ANO2: variants seen among roughly 807,000 people sequenced by gnomAD.
The protein encoded by ANO2 is anoctamin-2.
Under a neutral mutation model 124.2 loss-of-function variants are expected in ANO2, and 101 were observed. That is an observed-to-expected ratio of 0.81 (90% CI 0.69 to 0.96). The LOEUF (loss-of-function observed/expected upper bound fraction) is 0.96, where lower values mean the gene tolerates loss of function less well. Among genes scored for constraint, ANO2 ranks in the 40% least tolerant of loss-of-function variants. The probability of loss-of-function intolerance (pLI) is 0.00; values close to 1 mark genes in which losing one functional copy is unlikely to be tolerated. For missense variants in ANO2, 1,293 were observed against 1,274.5 expected (o/e 1.01, Z -0.22); for synonymous variants, 486 against 482.5 (o/e 1.01, Z -0.09).
chr12:5,922,592 C>A, intron 2 of ANO2, 28 bp downstream of exon 2: 1 of 1,454,422 alleles, frequency 6.9e-7, no homozygotes, highest in South Asian at 1.3e-5. Flanking sequence ...TGGCCTATCC[C>A]CCCACCCCAC....
chr12:5,728,074 G>C (rs1950512142), intron 14 of ANO2, among the ~76,000 whole-genome samples: 1 of 152,150 alleles, frequency 6.6e-6, no homozygotes, highest in Non-Finnish European at 1.5e-5. Flanking sequence ...TCAAGGTGCT[G>C]GGATTACAGG....
At chr12:5,917,276 G>C (rs1312509956) in intron 3 of ANO2, among the ~76,000 whole-genome samples, 1 of 152,104 alleles carries the variant, frequency 6.6e-6, no homozygotes, top group African/African-American at 2.4e-5. Context: ...TAGCATTAAG[G>C]GTGGCCAGGA....
At chr12:5,629,342 A>G (rs899333411) in intron 16 of ANO2, among the ~76,000 whole-genome samples, 1 of 152,228 alleles carries the variant, frequency 6.6e-6, no homozygotes, top group African/African-American at 2.4e-5. Flanking sequence ...AAGCTAGAGT[A>G]GAGACAGGCC....
At chr12:5,634,713 A>T (rs1272980701) in intron 16 of ANO2, among the ~76,000 whole-genome samples, 1 of 152,210 alleles carries the variant, frequency 6.6e-6, no homozygotes, top group Admixed American at 6.5e-5. Context: ...ACGGGGATAG[A>T]TAAGACCAGT....
chr12:5,841,388 T>C (rs570178663), intron 4 of ANO2, among the ~76,000 whole-genome samples: 1 of 152,342 alleles, frequency 6.6e-6, no homozygotes, highest in East Asian at 1.9e-4. Flanking sequence ...CAGACAGTGA[T>C]ACACTTACAC....
intron 10 of ANO2, among the ~76,000 whole-genome samples, chr12:5,764,720 C>CT (rs2137112050): frequency 6.8e-6 from 1 of 146,030 alleles, no homozygotes; most frequent in South Asian, 2.4e-4. Context: ...TGTTCTCCTG[C>CT]TTTTTTCCAA....
At position 5,644,262 on chromosome 12, in the gene ANO2, T is replaced by C. The variant is rs1039741579; in HGVS notation, c.1620+3465A>G. ...GGACACCCAGCTGTCCCAGAAGCAC[T>C]TACTGAGAAGTTCATTCTTTTCCCC... On this transcript the variant is annotated intron_variant, in intron 15 of 24. Coordinates refer to ENST00000682330, the MANE Select transcript of ANO2 (RefSeq NM_001364791.2). Among the ~76,000 whole-genome samples, 21 of 152,364 alleles carry C rather than the reference T, an allele frequency of 1.4e-4. 1 individual carries two copies. In the South Asian group the frequency reaches 2.5e-3, roughly 18 times the overall value.
In ANO2 at chr12:5,922,609, C is replaced by CCCCGT; in HGVS notation, c.207+10_207+11insACGGG. The CCCCGT allele has an allele frequency of 6.5e-7, 1 of 1,530,936 alleles. No individual in the cohort carries two copies. The allele number at this position is 1,530,936 out of a possible 1,614,324, so 94.8% of individuals were successfully genotyped here. A position where few individuals can be genotyped will look rare whatever the true frequency, so the allele number is the denominator to read the frequency against. ...GCCTATCCCCCCACCCCACCCCCGC[C>CCCCGT]CAGTACTCACAGAGCTGCTGCGGGT... is the stretch of plus-strand genomic sequence containing the variant. On this transcript the variant is annotated intron_variant, in intron 2 of 24. Coordinates refer to ENST00000682330, the MANE Select transcript of ANO2 (RefSeq NM_001364791.2).
intron 23 of ANO2, among the ~76,000 whole-genome samples, chr12:5,566,014 C>T (rs1941727530): frequency 6.6e-6 from 1 of 152,188 alleles, no homozygotes; most frequent in African/African-American, 2.4e-5. Context: ...TCCCACTAGC[C>T]TGTGGCCTCT....
At chr12:5,853,060 G>C (rs192996417) in intron 4 of ANO2, among the ~76,000 whole-genome samples, 1 of 151,898 alleles carries the variant, frequency 6.6e-6, no homozygotes, top group Non-Finnish European at 1.5e-5. Flanking sequence ...AAATACCTAT[G>C]AATAAAGAAT....
chr12:5,693,267 T>C (rs1949021868), intron 14 of ANO2, among the ~76,000 whole-genome samples: 1 of 152,198 alleles, frequency 6.6e-6, no homozygotes, highest in Admixed American at 6.5e-5. Flanking sequence ...CATAAGTAAA[T>C]ACCTGATGTC....
At chr12:5,922,151 AGAG>A (rs1421709427) in intron 2 of ANO2, among the ~76,000 whole-genome samples, 2 of 152,196 alleles carry the variant, frequency 1.3e-5, no homozygotes, top group African/African-American at 4.8e-5. Context: ...GGTGGAAAGA[AGAG>A]GAGGAGAGAG....
chr12:5,797,283 G>A (rs1049240407), intron 10 of ANO2, among the ~76,000 whole-genome samples: 1 of 152,170 alleles, frequency 6.6e-6, no homozygotes, highest in African/African-American at 2.4e-5. Flanking sequence ...TGGCAAAAGA[G>A]AGAAATGGTG....
chr12:5,593,238 G>T (rs762943092), intron 20 of ANO2, among the ~76,000 whole-genome samples: 2 of 152,194 alleles, frequency 1.3e-5, no homozygotes, highest in Non-Finnish European at 2.9e-5. Flanking sequence ...TAGCCCAAGG[G>T]CCTCAAAACT....
chr12:5,761,675 G>A (rs940380075), intron 10 of ANO2, among the ~76,000 whole-genome samples: 1 of 152,090 alleles, frequency 6.6e-6, no homozygotes, highest in African/African-American at 2.4e-5. Flanking sequence ...TTATTTTAAA[G>A]TTGGGCATAG....
At chr12:5,775,508 C>T (rs1376246164) in intron 10 of ANO2, among the ~76,000 whole-genome samples, 1 of 146,788 alleles carries the variant, frequency 6.8e-6, no homozygotes, top group Non-Finnish European at 1.5e-5. Flanking sequence ...GTCGCCCAGG[C>T]TGGAGTGCAG....
chr12:5,780,732 C>T (rs1215478508), intron 10 of ANO2, among the ~76,000 whole-genome samples: 2 of 152,130 alleles, frequency 1.3e-5, no homozygotes, highest in Non-Finnish European at 2.9e-5. Flanking sequence ...TCAGCCAAAC[C>T]CCCTCTGCCC....
rs140192188 is a variant in ANO2, at chr12:5,579,617, T to A, written c.2234-1099A>T. ...GAGTCTATCCAGCACACAGCCCCTC[T>A]CACCTGATTCTGTTATCTACCTGCT... On this transcript the variant is annotated intron_variant, in intron 20 of 24. Coordinates refer to ENST00000682330, the MANE Select transcript of ANO2 (RefSeq NM_001364791.2). Among the ~76,000 whole-genome samples the A allele has an allele frequency of 1.4e-4, 21 of 152,250 alleles. No homozygotes were observed. The East Asian group carries it at 4.1e-3, about 29-fold the overall frequency.
intron 14 of ANO2, among the ~76,000 whole-genome samples, chr12:5,670,909 T>C (rs1486961441): frequency 6.6e-6 from 1 of 152,182 alleles, no homozygotes; most frequent in Non-Finnish European, 1.5e-5. Context: ...ACTTTACCCA[T>C]GGAAAACCAA....
Sources: gnomAD v4.1 joint callset for allele counts (sites outside exome capture counted in the v4.1 genomes callset) on GRCh38, gnomAD v4.1.1 for gene constraint, MANE v1.5 for transcripts, NCBI Gene and HGNC (gene_info 2026-07-23, HGNC 2026-07-21) for gene names.